The following SYT2 variants were observed in gnomAD, a reference collection of about 807,000 sequenced individuals.
SYT2 encodes synaptotagmin-2.
SYT2 carries 15 observed loss-of-function variants against 39.9 expected under a neutral mutation model. The observed-to-expected ratio is 0.38, with a 90% CI of 0.25 to 0.58. SYT2 has a LOEUF of 0.58. Ranked by LOEUF, SYT2 falls within the 20% of genes least tolerant of loss-of-function variation. The pLI, the probability that SYT2 is intolerant of heterozygous loss-of-function variation, is 0.70. For missense variants in SYT2, 389 were observed against 530.3 expected, an observed-to-expected ratio of 0.73 and a Z score of 2.62; for synonymous variants, 181 against 204.5, an observed-to-expected ratio of 0.89 and a Z score of 0.98.
intron 1 of SYT2, among the ~76,000 whole-genome samples, chr1:202,686,535 G>A (rs1009134018): frequency 2.6e-5 from 4 of 152,094 alleles, no homozygotes; most frequent in Non-Finnish European, 5.9e-5. Flanking sequence ...AGAAAGAAGT[G>A]GCATGATAAT....
chr1:202,659,680 G>A (rs1171552371), intron 1 of SYT2, among the ~76,000 whole-genome samples: 1 of 152,194 alleles, frequency 6.6e-6, no homozygotes, highest in Non-Finnish European at 1.5e-5. Context: ...CCCATGACCT[G>A]GAGGGGCTGC....
intron 1 of SYT2, chr1:202,639,405 T>A: frequency 1.5e-6 from 1 of 656,310 alleles, no homozygotes; most frequent in Non-Finnish European, 1.9e-6. Context: ...CTACAAGGGC[T>A]GGCAAGCTCC....
intron 1 of SYT2, among the ~76,000 whole-genome samples, chr1:202,640,235 TCCCAC>T (rs1262266281): frequency 4.2e-5 from 6 of 141,870 alleles, no homozygotes; most frequent in African/African-American, 1.6e-4. Context: ...CCAACAAACC[TCCCAC>T]CCCACCCCAC....
rs576334875 is a variant in SYT2 at position 202,660,482 on chromosome 1, A to G, written c.-18+49776T>C. Among the ~76,000 whole-genome samples, 3 of 152,308 alleles carry G rather than the reference A, an allele frequency of 2.0e-5. No individual in the cohort carries two copies. In the East Asian group the frequency reaches 5.8e-4, roughly 29 times the overall value. ...CAGCAGCTTTCACCAAATAGCTCCC[A>G]GACTTTAACATGCATTGAAAATCTT... is the stretch of plus-strand genomic sequence containing the variant. On this transcript the variant is annotated intron_variant, in intron 1 of 8. Coordinates refer to ENST00000367268, the MANE Select transcript of SYT2 (RefSeq NM_177402.5).
intron 1 of SYT2, among the ~76,000 whole-genome samples, chr1:202,664,664 C>T (rs1692450185): frequency 6.6e-6 from 1 of 152,274 alleles, no homozygotes; most frequent in Non-Finnish European, 1.5e-5. Context: ...TTTTACTCAG[C>T]ATAATTATTC....
At chr1:202,650,302 T>C (rs1008868286) in intron 1 of SYT2, among the ~76,000 whole-genome samples, 3 of 152,116 alleles carry the variant, frequency 2.0e-5, no homozygotes, top group Admixed American at 2.0e-4. Context: ...CCAGAAAGGG[T>C]CATGTGCTTG....
chr1:202,612,409 C>G (rs1690905425), intron 1 of SYT2, among the ~76,000 whole-genome samples: 1 of 152,124 alleles, frequency 6.6e-6, no homozygotes, highest in Non-Finnish European at 1.5e-5. Flanking sequence ...ACTCTGTCAC[C>G]CAGGCTGGAG....
intron 6 of SYT2, 116 bp from the exon 7 acceptor site, chr1:202,600,590 C>G (rs1376957672): frequency 1.2e-6 from 1 of 841,032 alleles, no homozygotes; most frequent in Non-Finnish European, 2.0e-6. Context: ...CCTCCCTCAT[C>G]ACCAGTCCCC....
chr1:202,623,205 C>CGT lies in SYT2; in HGVS notation c.-17-17417_-17-17416insAC, dbSNP rs1004257979. On this transcript the variant is annotated intron_variant, in intron 1 of 8. Coordinates refer to ENST00000367268, the MANE Select transcript of SYT2 (RefSeq NM_177402.5). The surrounding 1 kb of genome is among the most constrained non-coding windows in gnomAD (Gnocchi z 4.2). ...CAACTTGAAACAGGACAGAGAAGCC[C>CGT]GCCATCCCCATGGGAGAGGAGCTGG... 3.4e-5 allele frequency among the ~76,000 whole-genome samples: 5 copies of CGT among 148,376 alleles called. No individual in the cohort carries two copies. Among genetic ancestry groups the CGT allele is most frequent in the African/African-American group, 1.3e-4 (5 of 37,796 alleles).
At chr1:202,666,913 T>C (rs1476543825) in intron 1 of SYT2, among the ~76,000 whole-genome samples, 1 of 151,948 alleles carries the variant, frequency 6.6e-6, no homozygotes, top group African/African-American at 2.4e-5. Context: ...ACTCAGGAGG[T>C]AGAGGTTGCA....
chr1:202,686,124 C>T (rs1273597919), intron 1 of SYT2, among the ~76,000 whole-genome samples: 3 of 152,124 alleles, frequency 2.0e-5, no homozygotes, highest in Non-Finnish European at 2.9e-5. Context: ...TGTGGCCTGG[C>T]GGGAGGTGTT....
chr1:202,697,497 C>T (rs1654004094), intron 1 of SYT2, among the ~76,000 whole-genome samples: 1 of 152,256 alleles, frequency 6.6e-6, no homozygotes, highest in Non-Finnish European at 1.5e-5. Flanking sequence ...GCCGAATGTC[C>T]TGACTTGCTG....
intron 1 of SYT2, among the ~76,000 whole-genome samples, chr1:202,691,642 CCT>C (rs1285129629): frequency 7.2e-6 from 1 of 139,474 alleles, no homozygotes; most frequent in Non-Finnish European, 1.5e-5. Context: ...AGAGAAAGAC[CCT>C]GTCTCAAAAA....
intron 1 of SYT2, among the ~76,000 whole-genome samples, chr1:202,685,179 C>T (rs912239695): frequency 6.6e-6 from 1 of 152,164 alleles, no homozygotes; most frequent in Non-Finnish European, 1.5e-5. Context: ...GTAAAATAAA[C>T]TAAAATAGAG....
At chr1:202,659,990 T>C (rs1692348370) in intron 1 of SYT2, among the ~76,000 whole-genome samples, 1 of 152,088 alleles carries the variant, frequency 6.6e-6, no homozygotes, top group South Asian at 2.1e-4. Context: ...CGGAGGTCCT[T>C]CAATGAAAAC....
chr1:202,610,812 T>G (rs1690865422), intron 1 of SYT2, among the ~76,000 whole-genome samples: 1 of 151,822 alleles, frequency 6.6e-6, no homozygotes, highest in South Asian at 2.1e-4. Flanking sequence ...CACTGCTCAA[T>G]GAAATAAAAG....
intron 1 of SYT2, among the ~76,000 whole-genome samples, chr1:202,626,537 G>A (rs1454922237): frequency 3.5e-4 from 52 of 149,056 alleles, no homozygotes; most frequent in Middle Eastern, 3.5e-3. Context: ...CACCATGCCC[G>A]GCTCTTTTTT....
intron 1 of SYT2, among the ~76,000 whole-genome samples, chr1:202,618,978 C>T (rs1691126523): frequency 6.6e-6 from 1 of 152,200 alleles, no homozygotes; most frequent in African/African-American, 2.4e-5. Flanking sequence ...AGCCAGTTGT[C>T]CAAGGTCGCA....
At chr1:202,609,165 A>G (rs1690806626) in intron 1 of SYT2, among the ~76,000 whole-genome samples, 1 of 151,304 alleles carries the variant, frequency 6.6e-6, no homozygotes, top group South Asian at 2.1e-4. Context: ...GCTGAGAATG[A>G]TGGTTTCCAG....
Sources: allele counts gnomAD v4.1 joint callset (sites outside exome capture counted in the v4.1 genomes callset), GRCh38; gene constraint gnomAD v4.1.1; non-coding constraint Gnocchi (gnomAD v3.1); transcripts MANE v1.5; gene names NCBI Gene and HGNC (gene_info 2026-07-23, HGNC 2026-07-21).